PSD: variants seen among roughly 807,000 people sequenced by gnomAD.
PSD encodes PH and SEC7 domain-containing protein 1.
PSD carries 32 observed loss-of-function variants against 91.6 expected under a neutral mutation model. The ratio of observed to expected loss-of-function variants is 0.35; its 90% confidence interval spans 0.26 to 0.47. The LOEUF is 0.47. Ranked by LOEUF, PSD falls within the 20% of genes least tolerant of loss-of-function variation. The pLI is 1.00. For missense variants in PSD, 1,099 were observed against 1,373.9 expected, an observed-to-expected ratio of 0.80 and a Z score of 3.16; for synonymous variants, 532 against 569.3, an observed-to-expected ratio of 0.93 and a Z score of 0.93.
In PSD at chr10:102,411,816, C is replaced by T. The variant is rs2061427732; in HGVS notation, c.1833G>A (p.Val611=). ...TGMTLDQALR[V]FLKELALMGE... ...CCATTAAGGCCAGCTCCTTCAGAAA[C>T]ACCCTGGAGAAGGGGCAAGAGAGGG... is the stretch of plus-strand genomic sequence containing the variant. The change falls in exon 8 of 17, where the codon GTG becomes GTA. Residue 611 remains valine, a synonymous_variant. Transcript: ENST00000020673. The T allele has an allele frequency of 6.2e-7, 1 of 1,610,498 alleles. No individual in the cohort carries two copies. Among genetic ancestry groups the T allele is most frequent in the Non-Finnish European group, 8.5e-7 (1 of 1,178,236 alleles).
Position 102,405,354 on chromosome 10 carries a change from C to A in PSD, c.2318G>T (p.Cys773Phe). 6.2e-7 allele frequency: 1 copy of A among 1,611,332 alleles called. No homozygotes were observed. The highest frequency in any genetic ancestry group is 8.5e-7 in the Non-Finnish European group (1 of 1,179,140). ...GCAACTCGGCCACATACTCTTCCTG[C>A]AGTCAGGGTCTGCGTGCACCTTTCG... Reference protein sequence around the residue: ...LVRKVHADPDCRKTPRGKRGW... With the variant: ...LVRKVHADPDFRKTPRGKRGW... Residue 773 changes from cysteine (C) to phenylalanine (F), a missense_variant, in exon 12 of 17, where the codon TGC (cysteine) becomes TTC (phenylalanine). Transcript: ENST00000020673. The surrounding 1 kb of genome is among the most constrained non-coding windows in gnomAD (Gnocchi z 5.4).
Position 102,416,353 on chromosome 10 carries a change from G to A in PSD, c.654+32C>T. The A allele has an allele frequency of 6.4e-7, 1 of 1,572,968 alleles. No homozygotes were observed. The highest frequency in any genetic ancestry group is 2.3e-5 in the East Asian group (1 of 43,350). ...GAGGCTGAGCCTTGCCCCTTCACTG[G>A]GGGCCCAGGGAGCCCAGGGGAAGTT... On this transcript the variant is annotated intron_variant, in intron 2 of 16. Coordinates refer to ENST00000020673, the MANE Select transcript of PSD (RefSeq NM_002779.5). This position sits in a 1 kb window ranked among gnomAD's most constrained non-coding sequence, Gnocchi z 6.0.
upstream of PSD, chr10:102,418,890 C>T: frequency 5.6e-6 from 2 of 359,464 alleles, no homozygotes; most frequent in South Asian, 3.9e-5. Context: ...CCCAGAGCCC[C>T]GGAGGCTGCC....
Position 102,410,400 on chromosome 10 carries a change from C to A in PSD, c.2091+458G>T, listed in dbSNP as rs953061799. Among the ~76,000 whole-genome samples the A allele has an allele frequency of 1.3e-5, 2 of 152,246 alleles. No individual in the cohort carries two copies. The highest frequency in any genetic ancestry group is 6.5e-5 in the Admixed American group (1 of 15,292). On this transcript the variant is annotated intron_variant, in intron 10 of 16. Transcript: ENST00000020673. The surrounding 1 kb of genome is among the most constrained non-coding windows in gnomAD (Gnocchi z 6.0). ...TTGGAAAAGCTTAGTCCCTCTCAGG[C>A]CCCTCTCCCTCCGGGTTCCTGCAGC...
In PSD at chr10:102,410,927, G is replaced by A; in HGVS notation, c.2022C>T (p.Thr674=). 1 of 1,613,840 alleles carries A rather than the reference G, an allele frequency of 6.2e-7. No homozygotes were observed. The highest frequency in any genetic ancestry group is 8.5e-7 in the Non-Finnish European group (1 of 1,179,732). Residue 674 remains threonine (T), a synonymous_variant, in exon 10 of 17, where the codon ACC becomes ACT. Transcript: ENST00000020673. The surrounding 1 kb of genome is among the most constrained non-coding windows in gnomAD (Gnocchi z 6.0). The stretch of plus-strand genomic sequence containing the variant: ...CCAGGTTCCCGATGAAGTCCCCGCA[G>A]GTCATGCGCTTCCCGATGTTCTAAG... ...LHGHNIGKRM[T]CGDFIGNLEG...
At chr10:102,412,057 T>C (rs1003422163) in intron 7 of PSD, 90 bp downstream of exon 7, 5 of 1,361,330 alleles carry the variant, frequency 3.7e-6, no homozygotes, top group Non-Finnish European at 5.3e-6. Context: ...GGACGGCTTG[T>C]GGGGGACAGA....
intron 10 of PSD, among the ~76,000 whole-genome samples, chr10:102,407,602 C>G (rs1331995060): frequency 6.6e-6 from 1 of 152,134 alleles, no homozygotes; most frequent in Non-Finnish European, 1.5e-5. Flanking sequence ...CTGCTCAGAT[C>G]CTGGGCTGGA....
intron 7 of PSD, 116 bp downstream of exon 7, chr10:102,412,031 G>T: frequency 8.2e-7 from 1 of 1,216,534 alleles, no homozygotes; most frequent in Non-Finnish European, 1.2e-6. Flanking sequence ...CAGCCATCTT[G>T]GGAAGGGTGA....
At position 102,411,945 on chromosome 10, in the gene PSD, G is replaced by T. The variant is rs985134668; in HGVS notation, c.1830-126C>A. On this transcript the variant is annotated intron_variant, in intron 7 of 16. Transcript: ENST00000020673. Reference sequence around the variant, plus strand: ...AGGGGAGGAGAGAAAGGGGATGAGGGTATGCACCCTGACCCTCCACCCATC... The same window carrying T: ...AGGGGAGGAGAGAAAGGGGATGAGGTTATGCACCCTGACCCTCCACCCATC... The T allele has an allele frequency of 3.3e-6, 3 of 895,806 alleles. No individual in the cohort carries two copies. The East Asian group carries it at 7.5e-5, about 22-fold the overall frequency. The allele number at this position is 895,806 out of a possible 1,614,324, so 55.5% of individuals were successfully genotyped here. A position where few individuals can be genotyped will look rare whatever the true frequency, so the allele number is the denominator to read the frequency against.
rs2061399870 is a variant in PSD at position 102,409,211 on chromosome 10, G to A, written c.2091+1647C>T. The A allele has an allele frequency of 2.0e-6, 2 of 982,810 alleles. No individual in the cohort carries two copies. The highest frequency in any genetic ancestry group is 2.4e-6 in the Non-Finnish European group (2 of 828,952). 60.9% of individuals were successfully genotyped at this position (982,810 alleles called of 1,614,324 possible). A position where few individuals can be genotyped will look rare whatever the true frequency, so the allele number is the denominator to read the frequency against. The stretch of plus-strand genomic sequence containing the variant: ...CAGCCAGCGCGAGCGGCGCGGCCCG[G>A]CCCGAGCCGGCCCGGCTCTCACGGA... On this transcript the variant is annotated intron_variant, in intron 10 of 16. Coordinates refer to ENST00000020673, the MANE Select transcript of PSD (RefSeq NM_002779.5). This position sits in a 1 kb window ranked among gnomAD's most constrained non-coding sequence, Gnocchi z 5.7.
Position 102,409,367 on chromosome 10 carries a change from C to G in PSD, c.2091+1491G>C. 3.0e-6 allele frequency: 3 copies of G among 985,156 alleles called. No individual in the cohort carries two copies. The highest frequency in any genetic ancestry group is 3.6e-6 in the Non-Finnish European group (3 of 829,666). The allele number at this position is 985,156 out of a possible 1,614,324, so 61.0% of individuals were successfully genotyped here. A position where few individuals can be genotyped will look rare whatever the true frequency, so the allele number is the denominator to read the frequency against. ...ACCGCATGAAATGGAGGCGCCCGAT[C>G]GCGAAGGGGGCCCTCCCCGCGCGGC... On this transcript the variant is annotated intron_variant, in intron 10 of 16. Coordinates refer to ENST00000020673, the MANE Select transcript of PSD (RefSeq NM_002779.5). This position sits in a 1 kb window ranked among gnomAD's most constrained non-coding sequence, Gnocchi z 5.7.
rs1174807202 is a variant in PSD at position 102,416,131 on chromosome 10, A to G, written c.655-12T>C. The G allele has an allele frequency of 1.3e-6, 2 of 1,578,950 alleles. No homozygotes were observed. The highest frequency in any genetic ancestry group is 2.2e-5 in the South Asian group (2 of 89,524). On this transcript the variant is annotated splice_polypyrimidine_tract_variant and intron_variant, in intron 2 of 16. Transcript: ENST00000020673. The surrounding 1 kb of genome is among the most constrained non-coding windows in gnomAD (Gnocchi z 6.0). ...GACCAGGTATCCCCCTGAGCCAACG[A>G]GGGAGACACAGGCACCCAGAGATAA...
At position 102,405,379 on chromosome 10, in the gene PSD, G is replaced by C; in HGVS notation, c.2293C>G (p.Arg765Gly). The change falls in exon 12 of 17, where the codon CGA (arginine) becomes GGA (glycine). Residue 765 changes from arginine to glycine, a missense_variant. Transcript: ENST00000020673. The surrounding 1 kb of genome is among the most constrained non-coding windows in gnomAD (Gnocchi z 5.4). ...AAVYKHGALVRKVHADPDCRK... is the reference protein window; with the variant it reads ...AAVYKHGALVGKVHADPDCRK... Reference sequence around the variant, plus strand: ...CAGTCAGGGTCTGCGTGCACCTTTCGCACCAGGGCCCCGTGCTTGTAGACG... The same window carrying C: ...CAGTCAGGGTCTGCGTGCACCTTTCCCACCAGGGCCCCGTGCTTGTAGACG... 1 of 1,613,300 alleles carries C rather than the reference G, an allele frequency of 6.2e-7. No homozygotes were observed. The highest frequency in any genetic ancestry group is 8.5e-7 in the Non-Finnish European group (1 of 1,179,934).
At chr10:102,418,060 A>AACAC (rs3061745) in intron 1 of PSD, among the ~76,000 whole-genome samples, 7 of 147,956 alleles carry the variant, frequency 4.7e-5, no homozygotes, top group African/African-American at 1.0e-4. Context: ...CACACACACA[A>AACAC]ACACACACAC....
rs1322945568 is a variant in PSD at position 102,413,981 on chromosome 10, T to C, written c.1341A>G (p.Gln447=). ...SPFFTFELPP[Q]PPAPRPDPPA... is the part of the protein sequence containing the mutation. Reference sequence around the variant, plus strand: ...GTGGGTCGGGCCGGGGTGCAGGGGGTTGGGGAGGCAGCTCAAAGGTGAAGA... The same window carrying C: ...GTGGGTCGGGCCGGGGTGCAGGGGGCTGGGGAGGCAGCTCAAAGGTGAAGA... The change falls in exon 5 of 17, where the codon CAA becomes CAG. Residue 447 remains glutamine, a synonymous_variant. Coordinates refer to ENST00000020673, the MANE Select transcript of PSD (RefSeq NM_002779.5). The C allele has an allele frequency of 3.1e-6, 5 of 1,612,854 alleles. No homozygotes were observed. Among genetic ancestry groups the C allele is most frequent in the East Asian group, 4.5e-5 (2 of 44,848 alleles).
chr10:102,406,333 C>G (rs1239853935), intron 11 of PSD, among the ~76,000 whole-genome samples: 1 of 152,208 alleles, frequency 6.6e-6, no homozygotes, highest in Non-Finnish European at 1.5e-5. Context: ...TCCCAGCTAA[C>G]TGGACAGTGA....
chr10:102,418,900 C>A, upstream of PSD: 1 of 351,768 alleles, frequency 2.8e-6, no homozygotes, highest in African/African-American at 2.2e-5. Flanking sequence ...CGGAGGCTGC[C>A]AGCCCCCCTT....
rs776025356 is a variant in PSD at position 102,411,768 on chromosome 10, G to T, written c.1881C>A (p.Arg627=). The change falls in exon 8 of 17, where the codon CGC becomes CGA. Residue 627 remains arginine (R), a synonymous_variant. Coordinates refer to ENST00000020673, the MANE Select transcript of PSD (RefSeq NM_002779.5). Reference sequence around the variant, plus strand: ...ATCGCTGGGAGAAGTGGGCCAGCACGCGCTCTCGTTCCTGGGTCTCACCCA... The same window carrying T: ...ATCGCTGGGAGAAGTGGGCCAGCACTCGCTCTCGTTCCTGGGTCTCACCCA... ...ALMGETQERE[R]VLAHFSQRYF... is the part of the protein sequence containing the mutation. 2 of 1,613,714 alleles carry T rather than the reference G, an allele frequency of 1.2e-6. No homozygotes were observed. The highest frequency in any genetic ancestry group is 2.2e-5 in the East Asian group (1 of 44,892).
At position 102,415,166 on chromosome 10, in the gene PSD, C is replaced by T. The variant is rs142011828; in HGVS notation, c.821G>A (p.Gly274Glu). The T allele has an allele frequency of 2.5e-6, 4 of 1,613,200 alleles. No individual in the cohort carries two copies. The African/African-American group carries it at 5.3e-5, about 22-fold the overall frequency. Residue 274 changes from glycine (G) to glutamate (E), a missense_variant, in exon 4 of 17, where the codon GGG becomes GAG. Physicochemically the swap from Gly to Glu is moderately conservative, Grantham distance 98 (BLOSUM62 -2). Transcript: ENST00000020673. ...PPGVGSRQGSGVAVGRAAKYS... is the reference protein window; with the variant it reads ...PPGVGSRQGSEVAVGRAAKYS... Reference sequence around the variant, plus strand: ...CTTGGCTGCTCGCCCCACAGCCACCCCAGAGCCCTGCCTTGAGCCCACCCC... The same window carrying T: ...CTTGGCTGCTCGCCCCACAGCCACCTCAGAGCCCTGCCTTGAGCCCACCCC...
Sources: gnomAD v4.1 joint callset for allele counts (sites outside exome capture counted in the v4.1 genomes callset) on GRCh38, gnomAD v4.1.1 for gene constraint, Gnocchi (gnomAD v3.1) non-coding constraint, MANE v1.5 for transcripts, NCBI Gene and HGNC (gene_info 2026-07-23, HGNC 2026-07-21) for gene names.